ANTXR1: variants seen among roughly 807,000 people sequenced by gnomAD.
ANTXR1 encodes ANTXR cell adhesion molecule 1.
A neutral mutation model predicts 78.1 loss-of-function variants in ANTXR1; 19 were observed. The observed-to-expected ratio is 0.24, with a 90% confidence interval of 0.17 to 0.36. ANTXR1 has a LOEUF of 0.36. ANTXR1 is among the 10% of genes least tolerant of loss of function. The pLI is 1.00. For synonymous variants in ANTXR1, 273 were observed against 260.5 expected (o/e 1.05, Z -0.46); for missense variants, 518 against 718.6 (o/e 0.72, Z 3.19).
intron 9 of ANTXR1, among the ~76,000 whole-genome samples, chr2:69,102,429 C>T (rs1424517798): frequency 6.6e-6 from 1 of 152,226 alleles, no homozygotes; most frequent in East Asian, 1.9e-4. Context: ...ATGTGCAAAA[C>T]AGACACAGAG....
At chr2:69,051,309 T>C (rs1445684224) in intron 3 of ANTXR1, among the ~76,000 whole-genome samples, 3 of 152,234 alleles carry the variant, frequency 2.0e-5, no homozygotes, top group African/African-American at 7.2e-5. Flanking sequence ...CTATACTTTA[T>C]TTCTTTCTAA....
chr2:69,198,114 G>A (rs907244533), intron 17 of ANTXR1, among the ~76,000 whole-genome samples: 7 of 152,176 alleles, frequency 4.6e-5, no homozygotes, highest in Non-Finnish European at 8.8e-5. Flanking sequence ...ATTCACAAAT[G>A]TTTCCTTAGA....
intron 12 of ANTXR1, among the ~76,000 whole-genome samples, chr2:69,136,663 T>C (rs1448450526): frequency 6.6e-6 from 1 of 152,122 alleles, no homozygotes; most frequent in East Asian, 1.9e-4. Flanking sequence ...TCTTGAGGGT[T>C]TATGTTAGAA....
chr2:69,091,015 G>A (rs1170925690), intron 9 of ANTXR1, 96 bp downstream of exon 9: 2 of 1,244,004 alleles, frequency 1.6e-6, no homozygotes, highest in Non-Finnish European at 2.3e-6. Flanking sequence ...GTGGGAAAGA[G>A]GAACAGGAAG....
chr2:69,225,135 G>T (rs192387447), intron 17 of ANTXR1, among the ~76,000 whole-genome samples: 1 of 152,042 alleles, frequency 6.6e-6, no homozygotes, highest in African/African-American at 2.4e-5. Context: ...CCTTTATCCC[G>T]ATCACCACCA....
chr2:69,229,779 G>C (rs900847696), intron 17 of ANTXR1, among the ~76,000 whole-genome samples: 1 of 149,074 alleles, frequency 6.7e-6, no homozygotes, highest in African/African-American at 2.5e-5. Flanking sequence ...TAAATCTAAA[G>C]TATTAGTGAG....
At chr2:69,065,201 G>A (rs187469277) in intron 3 of ANTXR1, among the ~76,000 whole-genome samples, 29 of 152,110 alleles carry the variant, frequency 1.9e-4, no homozygotes, top group African/African-American at 5.8e-4. Flanking sequence ...CGAGGCGGGC[G>A]GATCACAAGG....
chr2:69,066,679 A>C (rs925930810), intron 3 of ANTXR1, among the ~76,000 whole-genome samples: 1 of 152,232 alleles, frequency 6.6e-6, no homozygotes, highest in Non-Finnish European at 1.5e-5. Context: ...TGTATGCTCA[A>C]CAAATAGCAG....
At chr2:69,130,462 GA>G (rs1260246601) in intron 12 of ANTXR1, among the ~76,000 whole-genome samples, 1 of 152,142 alleles carries the variant, frequency 6.6e-6, no homozygotes, top group Non-Finnish European at 1.5e-5. Context: ...ACATCAAAGC[GA>G]AAACAACTGC....
intron 17 of ANTXR1, among the ~76,000 whole-genome samples, chr2:69,194,495 C>T: frequency 6.6e-6 from 1 of 152,216 alleles, no homozygotes; most frequent in East Asian, 1.9e-4. Context: ...CGGACTTCTT[C>T]CTACTGTGGC....
In ANTXR1 at chr2:69,154,695, C is replaced by T. The variant is rs147092696; in HGVS notation, c.1047+2431C>T. Among the ~76,000 whole-genome samples the T allele has an allele frequency of 2.4e-3, 359 of 152,330 alleles. 1 individual carries two copies. The highest frequency in any genetic ancestry group is 8.3e-3 in the African/African-American group (347 of 41,578). ...CAACCTACTAGCAGAGCCGCATCTC[C>T]GTGCTGGAGGAAAAGCCAGAAAGCA... On this transcript the variant is annotated intron_variant, in intron 13 of 17. Transcript: ENST00000303714.
chr2:69,227,856 A>C (rs949596352), intron 17 of ANTXR1, among the ~76,000 whole-genome samples: 4 of 152,228 alleles, frequency 2.6e-5, no homozygotes, highest in African/African-American at 9.6e-5. Context: ...AAAGGAAGCC[A>C]CACCCACCTG....
chr2:69,093,200 G>T (rs1234827000), intron 9 of ANTXR1, among the ~76,000 whole-genome samples: 1 of 152,138 alleles, frequency 6.6e-6, no homozygotes, highest in Non-Finnish European at 1.5e-5. Context: ...TTGACTAAAT[G>T]TCTTGATTCA....
At chr2:69,199,415 C>G (rs1212748973) in intron 17 of ANTXR1, among the ~76,000 whole-genome samples, 1 of 152,156 alleles carries the variant, frequency 6.6e-6, no homozygotes, top group Non-Finnish European at 1.5e-5. Flanking sequence ...GGCCACCAAG[C>G]CGCCCCTTTT....
chr2:69,106,642 C>G (rs1182596061), intron 10 of ANTXR1, among the ~76,000 whole-genome samples: 1 of 152,184 alleles, frequency 6.6e-6, no homozygotes, highest in Non-Finnish European at 1.5e-5. Context: ...GTTACACCAC[C>G]CATGTGATAC....
chr2:69,165,268 C>G (rs1322113948), intron 13 of ANTXR1, among the ~76,000 whole-genome samples: 1 of 152,202 alleles, frequency 6.6e-6, no homozygotes, highest in Non-Finnish European at 1.5e-5. Flanking sequence ...AGCAGAGATG[C>G]CTGTGTGTCA....
intron 17 of ANTXR1, among the ~76,000 whole-genome samples, chr2:69,237,889 T>C (rs1382725623): frequency 1.3e-5 from 2 of 152,164 alleles, no homozygotes; most frequent in Non-Finnish European, 2.9e-5. Context: ...TGTATGAATT[T>C]TACATGGAAA....
chr2:69,191,304 G>C (rs568472003), intron 16 of ANTXR1, among the ~76,000 whole-genome samples: 1 of 152,234 alleles, frequency 6.6e-6, no homozygotes, highest in East Asian at 1.9e-4. Context: ...AGTTTATAAA[G>C]ATTAAAGAAC....
chr2:69,152,337 A>G, intron 13 of ANTXR1, 73 bp downstream of exon 13: 2 of 1,488,738 alleles, frequency 1.3e-6, no homozygotes, highest in Non-Finnish European at 1.9e-6. Flanking sequence ...GTAGAGAGAA[A>G]GGGATTTTTA....
Sources: gnomAD v4.1 joint callset for allele counts (sites outside exome capture counted in the v4.1 genomes callset) on GRCh38, gnomAD v4.1.1 for gene constraint, MANE v1.5 for transcripts, NCBI Gene and HGNC (gene_info 2026-07-23, HGNC 2026-07-21) for gene names.